Variants in ANO6 observed in about 807,000 individuals in gnomAD.
ANO6 encodes the protein anoctamin 6, also known as anoctamin-6.
Under a neutral mutation model 117.5 loss-of-function variants are expected in ANO6, and 106 were observed. The ratio of observed to expected loss-of-function variants is 0.90; its 90% CI spans 0.77 to 1.06. The LOEUF is 1.06. Among genes scored for constraint, ANO6 ranks in the 50% least tolerant of loss-of-function variants. ANO6 has a pLI of 0.00. For synonymous variants in ANO6, 367 were observed against 385.1 expected (o/e 0.95, Z 0.55); for missense variants, 955 against 1,121.1 (o/e 0.85, Z 2.12).
At chr12:45,232,261 G>A (rs962124629) in intron 1 of ANO6, among the ~76,000 whole-genome samples, 3 of 152,208 alleles carry the variant, frequency 2.0e-5, no homozygotes, top group Admixed American at 6.5e-5. Context: ...CCTGATATCT[G>A]TTCAGCACCT....
At chr12:45,274,753 C>T (rs1242954504) in intron 1 of ANO6, among the ~76,000 whole-genome samples, 2 of 150,812 alleles carry the variant, frequency 1.3e-5, no homozygotes, top group Non-Finnish European at 2.9e-5. Context: ...GTGCTCTAGC[C>T]ACACCTGTCC....
chr12:45,315,507 C>A (rs1176116186), intron 2 of ANO6, among the ~76,000 whole-genome samples: 1 of 151,972 alleles, frequency 6.6e-6, no homozygotes, highest in Non-Finnish European at 1.5e-5. Flanking sequence ...GTTTCACTTC[C>A]TGCCCTATGT....
At chr12:45,292,882 A>G in intron 1 of ANO6, 2 of 1,550,748 alleles carry the variant, frequency 1.3e-6, no homozygotes, top group African/African-American at 1.4e-5. Flanking sequence ...TCAAGGACTC[A>G]CCGAATTGTC....
At chr12:45,351,754 T>A (rs1434376989) in intron 7 of ANO6, among the ~76,000 whole-genome samples, 1 of 152,014 alleles carries the variant, frequency 6.6e-6, no homozygotes, top group Non-Finnish European at 1.5e-5. Flanking sequence ...CCAGTGCTAG[T>A]GAGAAACAGA....
intron 1 of ANO6, chr12:45,228,230 A>G (rs1188795500): frequency 5.0e-5 from 22 of 440,716 alleles, no homozygotes; most frequent in Non-Finnish European, 9.5e-5. Flanking sequence ...TCCCAGACTC[A>G]ATTGATCCTC....
At chr12:45,416,489 G>T (rs80130863) in intron 16 of ANO6, among the ~76,000 whole-genome samples, 1,608 of 152,312 alleles carry the variant, frequency 0.011, 16 homozygotes, top group East Asian at 0.047. Context: ...ACATGTGAAA[G>T]AAACAGGCTA....
rs1475141680 is a variant in ANO6 at position 45,429,421 on chromosome 12, A to G, written c.*110A>G. The G allele has an allele frequency of 1.3e-5, 20 of 1,520,498 alleles. No homozygotes were observed. The Admixed American group carries it at 2.7e-4, about 21-fold the overall frequency. 94.2% of individuals were successfully genotyped at this position (1,520,498 alleles called of 1,614,324 possible). Reference sequence around the variant, plus strand: ...ATCACTTTGGCAAATATGAGTCTCAACTATTGCCATTTCCTCATGTATTAT... The same window carrying G: ...ATCACTTTGGCAAATATGAGTCTCAGCTATTGCCATTTCCTCATGTATTAT... On this transcript the variant is annotated 3_prime_UTR_variant, in exon 20 of 20. Coordinates refer to ENST00000320560, the MANE Select transcript of ANO6 (RefSeq NM_001025356.3).
chr12:45,311,445 C>G (rs949133621), intron 2 of ANO6, among the ~76,000 whole-genome samples: 5 of 152,144 alleles, frequency 3.3e-5, no homozygotes, highest in African/African-American at 1.2e-4. Flanking sequence ...CTAGGCTTTT[C>G]CTGCTCAGTA....
chr12:45,316,272 G>A (rs1592954298), intron 2 of ANO6, among the ~76,000 whole-genome samples: 1 of 152,160 alleles, frequency 6.6e-6, no homozygotes, highest in East Asian at 1.9e-4. Flanking sequence ...CAATGAGAAA[G>A]ACAGACATTA....
chr12:45,227,628 T>G (rs1477120834), intron 1 of ANO6, among the ~76,000 whole-genome samples: 1 of 152,172 alleles, frequency 6.6e-6, no homozygotes, highest in East Asian at 1.9e-4. Context: ...TTTTTCTTTT[T>G]TTTTTAGATA....
chr12:45,290,495 C>T (rs1939059015), intron 1 of ANO6, among the ~76,000 whole-genome samples: 1 of 152,182 alleles, frequency 6.6e-6, no homozygotes, highest in African/African-American at 2.4e-5. Flanking sequence ...TCAGCTAAGC[C>T]ACAACCAGTT....
At chr12:45,423,147 T>C in intron 19 of ANO6, 85 bp downstream of exon 19, 1 of 963,918 alleles carries the variant, frequency 1.0e-6, no homozygotes, top group South Asian at 1.3e-5. Context: ...ATACTTAACA[T>C]GTGTGATACT....
At chr12:45,315,257 G>C (rs1470469643) in intron 2 of ANO6, among the ~76,000 whole-genome samples, 2 of 152,032 alleles carry the variant, frequency 1.3e-5, no homozygotes, top group South Asian at 4.1e-4. Flanking sequence ...AATTTCAATA[G>C]CCATGTGTGG....
At chr12:45,305,494 C>G (rs1365075432) in intron 2 of ANO6, among the ~76,000 whole-genome samples, 5 of 152,074 alleles carry the variant, frequency 3.3e-5, no homozygotes, top group Admixed American at 6.6e-5. Context: ...GCAGTTAGTT[C>G]AAGGAGGATG....
chr12:45,237,799 G>A (rs1182962170), intron 1 of ANO6, among the ~76,000 whole-genome samples: 1 of 152,144 alleles, frequency 6.6e-6, no homozygotes, highest in Non-Finnish European at 1.5e-5. Context: ...CATTGAATCT[G>A]TAAATTACCT....
At chr12:45,262,883 T>C (rs936315015) in intron 1 of ANO6, among the ~76,000 whole-genome samples, 13 of 152,208 alleles carry the variant, frequency 8.5e-5, no homozygotes, top group African/African-American at 2.9e-4. Context: ...AACTATACTT[T>C]GTGGCGAAAG....
intron 12 of ANO6, among the ~76,000 whole-genome samples, chr12:45,394,239 G>C (rs539808889): frequency 6.6e-6 from 1 of 152,222 alleles, no homozygotes; most frequent in African/African-American, 2.4e-5. Context: ...AAGATCAAAA[G>C]AGAGACAAAA....
chr12:45,290,171 AT>A (rs879335553), intron 1 of ANO6, among the ~76,000 whole-genome samples: 82 of 147,426 alleles, frequency 5.6e-4, no homozygotes, highest in East Asian at 5.9e-4. Flanking sequence ...TACATGTAAA[AT>A]TTTTTTTTTT....
At chr12:45,363,436 C>T (rs774224002) in intron 8 of ANO6, among the ~76,000 whole-genome samples, 5 of 151,822 alleles carry the variant, frequency 3.3e-5, no homozygotes, top group Admixed American at 2.0e-4. Context: ...TGGTGACATG[C>T]GCCTGTGGTC....
Sources: gnomAD v4.1 joint callset for allele counts (sites outside exome capture counted in the v4.1 genomes callset) on GRCh38, gnomAD v4.1.1 for gene constraint, MANE v1.5 for transcripts, NCBI Gene and HGNC (gene_info 2026-07-23, HGNC 2026-07-21) for gene names.